The following TMEM273 variants were observed in gnomAD, a reference collection of about 807,000 sequenced individuals.
The protein encoded by TMEM273 is transmembrane protein 273.
In TMEM273, 19 loss-of-function variants were observed where a neutral mutation model predicts 17.9. The observed-to-expected ratio is 1.06, with a 90% CI of 0.74 to 1.55. TMEM273 has a LOEUF of 1.55. Among genes scored for constraint, TMEM273 ranks in the 40% most tolerant of loss-of-function variants. The pLI, the probability that TMEM273 is intolerant of heterozygous loss-of-function variation, is 0.00. For missense variants in TMEM273, 194 were observed against 155.6 expected, an observed-to-expected ratio of 1.25 and a Z score of -1.31; for synonymous variants, 66 against 62.0, an observed-to-expected ratio of 1.07 and a Z score of -0.31.
intron 6 of TMEM273, chr10:49,156,161 G>C: frequency 6.6e-7 from 1 of 1,518,870 alleles, no homozygotes; most frequent in South Asian, 1.2e-5. Flanking sequence ...CATCCACTTT[G>C]ATGACAAAAA....
chr10:49,166,600 G>A (rs1183786381), intron 3 of TMEM273: 40 of 474,808 alleles, frequency 8.4e-5, no homozygotes, highest in South Asian at 8.1e-4. Context: ...AAGTACAGAG[G>A]GAAAGAGACA....
At chr10:49,156,058 G>A (rs2132066898) in intron 6 of TMEM273, 149 bp from the exon 7 acceptor site, 1 of 1,551,058 alleles carries the variant, frequency 6.4e-7, no homozygotes, top group East Asian at 2.4e-5. Flanking sequence ...GTGCAACATA[G>A]AAAGGAACTG....
In TMEM273 at chr10:49,161,627, AAAACAAGAT is replaced by A; in HGVS notation, c.349-14_349-6del. 1 of 1,614,256 alleles carries A rather than the reference AAAACAAGAT, an allele frequency of 6.2e-7. No individual in the cohort carries two copies. Among genetic ancestry groups the A allele is most frequent in the South Asian group, 1.1e-5 (1 of 91,086 alleles). On this transcript the variant is annotated splice_region_variant and splice_polypyrimidine_tract_variant and intron_variant, in intron 5 of 6. Transcript: ENST00000374153. ...TTGGAGAAATTGTGGTTTCGCCTGC[AAAACAAGAT>A]AAAAGGGTGTTCATTGCCTAAGCCT...
At chr10:49,171,461 A>G (rs1439335809) in intron 1 of TMEM273, among the ~76,000 whole-genome samples, 1 of 152,240 alleles carries the variant, frequency 6.6e-6, no homozygotes, top group Non-Finnish European at 1.5e-5. Flanking sequence ...GCCTCTGACC[A>G]TAGAAGCTTT....
intron 6 of TMEM273, among the ~76,000 whole-genome samples, chr10:49,159,058 A>G (rs988476349): frequency 2.0e-5 from 3 of 152,218 alleles, no homozygotes; most frequent in Non-Finnish European, 4.4e-5. Context: ...AGCAGTAGGT[A>G]GGAACACGGT....
chr10:49,167,384 C>A (rs1411478992), intron 2 of TMEM273, among the ~76,000 whole-genome samples: 4 of 152,228 alleles, frequency 2.6e-5, no homozygotes, highest in African/African-American at 9.6e-5. Context: ...GTGAACACTG[C>A]AGGAGAATGG....
intron 1 of TMEM273, among the ~76,000 whole-genome samples, chr10:49,186,724 G>A (rs987086394): frequency 2.0e-5 from 3 of 152,198 alleles, no homozygotes; most frequent in South Asian, 2.1e-4. Context: ...AAGGAGTCTC[G>A]TACTGGATAC....
rs757525330 is a variant in TMEM273 at position 49,155,486 on chromosome 10, G to T, written c.*406C>A. On this transcript the variant is annotated 3_prime_UTR_variant, in exon 7 of 7. Transcript: ENST00000374153. Reference sequence around the variant, plus strand: ...TCGTTCTACAAAGTAGTGCCTAACTGTTGATAAGATGGCAGTGTGTAGGAA... The same window carrying T: ...TCGTTCTACAAAGTAGTGCCTAACTTTTGATAAGATGGCAGTGTGTAGGAA... The T allele has an allele frequency of 4.2e-6, 1 of 237,816 alleles. No homozygotes were observed. Among genetic ancestry groups the T allele is most frequent in the Non-Finnish European group, 8.1e-6 (1 of 123,922 alleles). The allele number at this position is 237,816 out of a possible 1,614,324, so 14.7% of individuals were successfully genotyped here. A position where few individuals can be genotyped will look rare whatever the true frequency, so the allele number is the denominator to read the frequency against.
intron 5 of TMEM273, among the ~76,000 whole-genome samples, chr10:49,163,131 GC>G (rs1268687642): frequency 3.9e-5 from 6 of 152,208 alleles, no homozygotes; most frequent in African/African-American, 1.2e-4. Context: ...GCCTCTTAGG[GC>G]GGGGGGAAGG....
chr10:49,165,063 G>T, intron 5 of TMEM273, 142 bp downstream of exon 5: 1 of 1,221,382 alleles, frequency 8.2e-7, no homozygotes, highest in Non-Finnish European at 1.1e-6. Context: ...TACCCGCCCG[G>T]AGCTTACATT....
At chr10:49,177,535 A>T (rs72789093) in intron 1 of TMEM273, among the ~76,000 whole-genome samples, 1 of 152,236 alleles carries the variant, frequency 6.6e-6, no homozygotes, top group African/African-American at 2.4e-5. Flanking sequence ...TCTTGGGGAC[A>T]GTGGCCTCTT....
intron 4 of TMEM273, 35 bp from the exon 5 acceptor site, chr10:49,165,318 A>G (rs1020202317): frequency 2.6e-6 from 4 of 1,550,556 alleles, no homozygotes; most frequent in Non-Finnish European, 3.5e-6. Flanking sequence ...GAAAACAGCA[A>G]GTGCAAAGGT....
chr10:49,178,061 G>T, intron 1 of TMEM273: 1 of 396,916 alleles, frequency 2.5e-6, no homozygotes, highest in Non-Finnish European at 5.1e-6. Flanking sequence ...AAGTCTCCCT[G>T]CCTCCAACCC....
intron 1 of TMEM273, among the ~76,000 whole-genome samples, chr10:49,169,574 C>T (rs866882311): frequency 6.6e-6 from 1 of 152,212 alleles, no homozygotes; most frequent in Admixed American, 6.5e-5. Flanking sequence ...AATTCAATGA[C>T]TTATCTTCTC....
rs1041905735 is a variant in TMEM273 at position 49,161,163 on chromosome 10, G to A, written c.372+436C>T. The A allele has an allele frequency of 2.6e-4, 46 of 180,130 alleles. 1 individual carries two copies. The highest frequency in any genetic ancestry group is 9.4e-5 in the Non-Finnish European group (8 of 85,040). The allele number at this position is 180,130 out of a possible 1,614,324, so 11.2% of individuals were successfully genotyped here. On this transcript the variant is annotated intron_variant, in intron 6 of 6. Transcript: ENST00000374153. ...GACCGGCCCTCCACATACAGGCTTC[G>A]TCCTCTCCGAGACCCCAAAGCAGCA...
chr10:49,168,660 G>A, intron 1 of TMEM273, among the ~76,000 whole-genome samples: 1 of 136,622 alleles, frequency 7.3e-6, no homozygotes, highest in East Asian at 2.4e-4. Flanking sequence ...GTGAATGGAA[G>A]GAAGGAAGGA....
intron 5 of TMEM273, among the ~76,000 whole-genome samples, chr10:49,163,304 TGTGAGAGA>T (rs1310726007): frequency 4.0e-5 from 6 of 150,160 alleles, no homozygotes; most frequent in Admixed American, 3.3e-4. Context: ...TGTGTGTGTG[TGTGAGAGA>T]GAGAGAGAGA....
chr10:49,164,433 T>C (rs1846036549), intron 5 of TMEM273, among the ~76,000 whole-genome samples: 1 of 152,170 alleles, frequency 6.6e-6, no homozygotes, highest in Admixed American at 6.5e-5. Flanking sequence ...CACATCTTCC[T>C]GGCTGCAGCT....
intron 1 of TMEM273, chr10:49,178,290 C>T (rs186962970): frequency 2.2e-6 from 1 of 457,080 alleles, no homozygotes; most frequent in South Asian, 1.5e-5. Context: ...GCCACCTGTC[C>T]CATTCTTGCA....
Sources: allele counts gnomAD v4.1 joint callset (sites outside exome capture counted in the v4.1 genomes callset), GRCh38; gene constraint gnomAD v4.1.1; transcripts MANE v1.5; gene names NCBI Gene and HGNC (gene_info 2026-07-23, HGNC 2026-07-21).